The following GNG2 variants were observed in gnomAD, a reference collection of about 807,000 sequenced individuals.
GNG2 encodes the protein guanine nucleotide-binding protein G(I)/G(S)/G(O) subunit gamma-2.
A neutral mutation model predicts 5.5 loss-of-function variants in GNG2; 5 were observed. The ratio of observed to expected loss-of-function variants is 0.91; its 90% CI spans 0.48 to 1.92. GNG2 has a LOEUF of 1.92. GNG2 is among the 30% of genes most tolerant of loss of function. The pLI is 0.01. For missense variants in GNG2, 55 were observed against 88.4 expected, an observed-to-expected ratio of 0.62 and a Z score of 1.52; for synonymous variants, 28 against 32.0, an observed-to-expected ratio of 0.88 and a Z score of 0.42.
At chr14:51,942,401 G>A (rs1309959346) in intron 2 of GNG2, among the ~76,000 whole-genome samples, 2 of 151,868 alleles carry the variant, frequency 1.3e-5, no homozygotes, top group African/African-American at 4.8e-5. Flanking sequence ...ACTGCCAGTA[G>A]CACCCCCAGT....
chr14:51,879,512 A>C (rs953088979), intron 2 of GNG2, among the ~76,000 whole-genome samples: 4 of 152,186 alleles, frequency 2.6e-5, no homozygotes, highest in African/African-American at 9.6e-5. Context: ...ACACAAATGT[A>C]TTATCTTACC....
intron 2 of GNG2, among the ~76,000 whole-genome samples, chr14:51,905,927 G>A (rs977991507): frequency 6.6e-6 from 1 of 152,274 alleles, no homozygotes. Context: ...ATTTCCTGAG[G>A]CCTCCCCAGC....
rs754153132 is a variant in GNG2, at chr14:51,966,579, T to C, written c.108T>C (p.Asp36=). 6.2e-7 allele frequency: 1 copy of C among 1,613,864 alleles called. No individual in the cohort carries two copies. Among genetic ancestry groups the C allele is most frequent in the Admixed American group, 1.7e-5 (1 of 60,028 alleles). ...TCCAGGTGTCCAAGGCAGCTGCAGA[T>C]TTGATGGCCTACTGTGAAGCACATG... ...DRIKVSKAAA[D]LMAYCEAHAK... The change falls in exon 4 of 4, where the codon GAT becomes GAC. Residue 36 remains aspartate (D), a synonymous_variant. Transcript: ENST00000556766.
chr14:51,887,617 T>A (rs1040569567), intron 2 of GNG2, among the ~76,000 whole-genome samples: 14 of 151,970 alleles, frequency 9.2e-5, no homozygotes, highest in African/African-American at 3.4e-4. Context: ...CTGGGACGGG[T>A]TGGGTCTATA....
intron 2 of GNG2, among the ~76,000 whole-genome samples, chr14:51,947,532 TGAC>T (rs1174773966): frequency 6.6e-6 from 1 of 152,052 alleles, no homozygotes; most frequent in African/African-American, 2.4e-5. Context: ...CAAGAAAAGC[TGAC>T]AGCCTCCAGA....
chr14:51,915,478 G>C (rs1205908624), intron 2 of GNG2, among the ~76,000 whole-genome samples: 1 of 152,210 alleles, frequency 6.6e-6, no homozygotes, highest in African/African-American at 2.4e-5. Flanking sequence ...GAGGATATGG[G>C]AGGGACTTAA....
intron 2 of GNG2, among the ~76,000 whole-genome samples, chr14:51,844,434 G>A (rs373512785): frequency 2.6e-5 from 4 of 152,316 alleles, no homozygotes; most frequent in East Asian, 1.9e-4. Flanking sequence ...AGAGGAGGAG[G>A]AGTTTCTCTA....
chr14:51,915,697 G>A (rs1454798716), intron 2 of GNG2, among the ~76,000 whole-genome samples: 3 of 152,140 alleles, frequency 2.0e-5, no homozygotes, highest in African/African-American at 7.2e-5. Context: ...AAAATATTTT[G>A]TGACTAAATG....
At chr14:51,954,597 G>A (rs1889172840) in intron 3 of GNG2, among the ~76,000 whole-genome samples, 1 of 152,338 alleles carries the variant, frequency 6.6e-6, no homozygotes, top group Middle Eastern at 3.4e-3. Flanking sequence ...GATACAGGAT[G>A]TCTCAATCCA....
upstream of GNG2, among the ~76,000 whole-genome samples, chr14:51,859,196 T>C (rs1882303894): frequency 6.6e-6 from 1 of 152,216 alleles, no homozygotes; most frequent in Admixed American, 6.5e-5. Flanking sequence ...CACTGATTCC[T>C]GAGAAGAGGT....
intron 2 of GNG2, among the ~76,000 whole-genome samples, chr14:51,909,421 C>T (rs1886155394): frequency 6.6e-6 from 1 of 152,200 alleles, no homozygotes; most frequent in African/African-American, 2.4e-5. Flanking sequence ...CCTAATTACA[C>T]TCTTTCCAAT....
chr14:51,865,526 G>T (rs1882817899), intron 1 of GNG2, among the ~76,000 whole-genome samples: 1 of 152,042 alleles, frequency 6.6e-6, no homozygotes, highest in Non-Finnish European at 1.5e-5. Context: ...AAAATGATCT[G>T]GGGGGTGACC....
chr14:51,843,150 A>G (rs938978049), intron 2 of GNG2, among the ~76,000 whole-genome samples: 1 of 152,208 alleles, frequency 6.6e-6, no homozygotes. Context: ...CTTTCCGTAA[A>G]TCATAGGAAA....
intron 2 of GNG2, among the ~76,000 whole-genome samples, chr14:51,907,509 A>G (rs1384831229): frequency 1.3e-5 from 2 of 152,186 alleles, no homozygotes; most frequent in African/African-American, 2.4e-5. Flanking sequence ...AAAGGAGTCC[A>G]TTCCTCTTTC....
At chr14:51,894,313 T>C (rs370216858) in intron 2 of GNG2, among the ~76,000 whole-genome samples, 2 of 152,114 alleles carry the variant, frequency 1.3e-5, no homozygotes, top group East Asian at 3.8e-4. Context: ...TTTGGTAAAA[T>C]GGCTGGGTGT....
intron 2 of GNG2, among the ~76,000 whole-genome samples, chr14:51,833,369 T>G (rs1480603183): frequency 6.6e-6 from 1 of 152,218 alleles, no homozygotes; most frequent in Admixed American, 6.5e-5. Flanking sequence ...GTTCATGAAT[T>G]TCTTCTAATG....
At chr14:51,871,998 C>T (rs1470534423) in intron 1 of GNG2, among the ~76,000 whole-genome samples, 1 of 152,154 alleles carries the variant, frequency 6.6e-6, no homozygotes, top group Non-Finnish European at 1.5e-5. Context: ...GCATCACTTC[C>T]TGGAAGAAGC....
chr14:51,961,109 T>C (rs1889587586), intron 3 of GNG2, among the ~76,000 whole-genome samples: 1 of 152,168 alleles, frequency 6.6e-6, no homozygotes, highest in Non-Finnish European at 1.5e-5. Flanking sequence ...ATTTATCTTA[T>C]CTCCCTTCTC....
chr14:51,840,595 C>T (rs1027405668), intron 2 of GNG2, among the ~76,000 whole-genome samples: 3 of 152,176 alleles, frequency 2.0e-5, no homozygotes, highest in Non-Finnish European at 2.9e-5. Flanking sequence ...CAGCCTTGTG[C>T]CTGGATTGTC....
Sources: allele counts gnomAD v4.1 joint callset (sites outside exome capture counted in the v4.1 genomes callset), GRCh38; gene constraint gnomAD v4.1.1; transcripts MANE v1.5; gene names NCBI Gene and HGNC (gene_info 2026-07-23, HGNC 2026-07-21).